Variants in NEO1 observed in about 807,000 individuals in gnomAD.
The protein encoded by NEO1 is neogenin.
Under a neutral mutation model 159.7 loss-of-function variants are expected in NEO1, and 63 were observed. That is an observed-to-expected ratio of 0.39 (90% confidence interval 0.32 to 0.49). NEO1 has a LOEUF of 0.49. Ranked by LOEUF, NEO1 falls within the 20% of genes least tolerant of loss-of-function variation. The pLI, the probability that NEO1 is intolerant of heterozygous loss-of-function variation, is 0.85. For synonymous variants in NEO1, 633 were observed against 662.0 expected (o/e 0.96, Z 0.67); for missense variants, 1,615 against 1,831.0 (o/e 0.88, Z 2.15).
At chr15:73,135,478 G>A (rs560802737) in intron 4 of NEO1, among the ~76,000 whole-genome samples, 2 of 152,146 alleles carry the variant, frequency 1.3e-5, no homozygotes, top group Non-Finnish European at 2.9e-5. Flanking sequence ...TTTTCTTTCT[G>A]TTATTAATCT....
chr15:73,178,577 C>G, intron 7 of NEO1, 150 bp downstream of exon 7: 1 of 851,198 alleles, frequency 1.2e-6, no homozygotes, highest in Non-Finnish European at 1.6e-6. Context: ...TAAATCATTT[C>G]TATTACATAA....
intron 5 of NEO1, among the ~76,000 whole-genome samples, chr15:73,170,345 TAAG>T (rs763842858): frequency 2.6e-5 from 4 of 152,306 alleles, no homozygotes; most frequent in South Asian, 2.1e-4. Flanking sequence ...GATGTAAAAT[TAAG>T]AAGATTCAGC....
chr15:73,056,491 C>T (rs912447445), intron 1 of NEO1, among the ~76,000 whole-genome samples: 1 of 152,188 alleles, frequency 6.6e-6, no homozygotes, highest in African/African-American at 2.4e-5. Flanking sequence ...CTTTGTTTCC[C>T]TAGTGTAGCA....
At position 73,096,022 on chromosome 15, in the gene NEO1, G is replaced by T. The variant is rs538948039; in HGVS notation, c.131-20518G>T. Among the ~76,000 whole-genome samples the T allele has an allele frequency of 3.3e-5, 5 of 152,162 alleles. No homozygotes were observed. In the South Asian group the frequency reaches 1.0e-3, roughly 32 times the overall value. On this transcript the variant is annotated intron_variant, in intron 1 of 28. Transcript: ENST00000261908. ...GGTGGAAGAGTGCTAAAATATTGAT[G>T]CTTACGAAAAGTTTATGGGGACAGT...
rs2035723680 is a variant in NEO1 at position 73,183,260 on chromosome 15, A to G, written c.1291+4833A>G. 2.0e-5 allele frequency among the ~76,000 whole-genome samples: 3 copies of G among 152,166 alleles called. No homozygotes were observed. In the South Asian group the frequency reaches 6.2e-4, roughly 32 times the overall value. On this transcript the variant is annotated intron_variant, in intron 7 of 28. Coordinates refer to ENST00000261908, the MANE Select transcript of NEO1 (RefSeq NM_002499.4). ...TGGGAGACAGGACAAAGGCCTTCCCATTTACTCAGACCCTTCTCCTTTAAG... is the reference window on the plus strand; with the variant it reads ...TGGGAGACAGGACAAAGGCCTTCCCGTTTACTCAGACCCTTCTCCTTTAAG...
At chr15:73,111,959 T>C (rs1234173233) in intron 1 of NEO1, among the ~76,000 whole-genome samples, 1 of 152,126 alleles carries the variant, frequency 6.6e-6, no homozygotes, top group Non-Finnish European at 1.5e-5. Flanking sequence ...AAGTGGATTA[T>C]ACATACAAGA....
intron 7 of NEO1, among the ~76,000 whole-genome samples, chr15:73,195,754 G>A (rs944296935): frequency 2.0e-5 from 3 of 152,084 alleles, no homozygotes; most frequent in Non-Finnish European, 4.4e-5. Flanking sequence ...GTTTGGTGAT[G>A]ATTTTTTCCT....
intron 25 of NEO1, among the ~76,000 whole-genome samples, chr15:73,290,361 C>T (rs551553560): frequency 2.0e-5 from 3 of 151,042 alleles, no homozygotes; most frequent in African/African-American, 7.3e-5. Context: ...CTGCCTCGGC[C>T]TCCCAAGCAG....
chr15:73,272,927 T>TA (rs1365596570), intron 19 of NEO1, among the ~76,000 whole-genome samples: 4 of 123,692 alleles, frequency 3.2e-5, no homozygotes, highest in African/African-American at 1.3e-4. Flanking sequence ...TGTAGAGTAA[T>TA]ACCCAATAAA....
In NEO1 at chr15:73,164,794, A is replaced by G. The variant is rs115753755; in HGVS notation, c.1016-11609A>G. On this transcript the variant is annotated intron_variant, in intron 5 of 28. Coordinates refer to ENST00000261908, the MANE Select transcript of NEO1 (RefSeq NM_002499.4). Reference sequence around the variant, plus strand: ...AACCTTAAGTGTGCATTAATAGGAGAATAATTACATTGGGATATGGTCATA... The same window carrying G: ...AACCTTAAGTGTGCATTAATAGGAGGATAATTACATTGGGATATGGTCATA... Among the ~76,000 whole-genome samples the G allele has an allele frequency of 9.7e-3, 1,480 of 152,368 alleles. 31 individuals carry two copies. The highest frequency in any genetic ancestry group is 0.034 in the African/African-American group (1,410 of 41,588).
intron 1 of NEO1, among the ~76,000 whole-genome samples, chr15:73,096,386 A>G (rs1470131014): frequency 6.6e-6 from 1 of 152,228 alleles, no homozygotes; most frequent in East Asian, 1.9e-4. Context: ...AAGAATTGCA[A>G]CAGGAGATGA....
intron 13 of NEO1, chr15:73,256,232 G>T (rs1307452149): frequency 6.6e-6 from 1 of 152,238 alleles, no homozygotes; most frequent in Non-Finnish European, 1.5e-5. Flanking sequence ...AGGTGCAGTG[G>T]CTGATGCCTA....
chr15:73,200,093 A>C (rs2036770795), intron 7 of NEO1, among the ~76,000 whole-genome samples: 1 of 152,170 alleles, frequency 6.6e-6, no homozygotes, highest in Admixed American at 6.5e-5. Flanking sequence ...TTTTCTCGAA[A>C]AGATTGTAGA....
At chr15:73,124,975 A>G (rs984736151) in intron 3 of NEO1, among the ~76,000 whole-genome samples, 7 of 152,316 alleles carry the variant, frequency 4.6e-5, no homozygotes, top group Non-Finnish European at 5.9e-5. Context: ...CCATATACCA[A>G]TATTATTCAG....
At chr15:73,071,362 C>A (rs568451048) in intron 1 of NEO1, among the ~76,000 whole-genome samples, 125 of 152,086 alleles carry the variant, frequency 8.2e-4, no homozygotes, top group Non-Finnish European at 1.1e-3. Flanking sequence ...ATTTTGTATT[C>A]ATAAAGTTTG....
At chr15:73,277,380 A>G (rs774691577) in intron 21 of NEO1, among the ~76,000 whole-genome samples, 1 of 152,222 alleles carries the variant, frequency 6.6e-6, no homozygotes, top group Non-Finnish European at 1.5e-5. Context: ...GCCAAGTATA[A>G]GAATTTTTTA....
intron 8 of NEO1, among the ~76,000 whole-genome samples, chr15:73,236,965 C>T (rs2039211788): frequency 6.6e-6 from 1 of 152,278 alleles, no homozygotes; most frequent in East Asian, 1.9e-4. Flanking sequence ...TCTTCATTTC[C>T]ACCCCCTCAG....
chr15:73,274,699 C>T lies in NEO1; in HGVS notation c.3168C>T (p.Ser1056=), dbSNP rs762912417. The T allele has an allele frequency of 6.2e-7, 1 of 1,613,976 alleles. No individual in the cohort carries two copies. The highest frequency in any genetic ancestry group is 2.2e-5 in the East Asian group (1 of 44,870). The change falls in exon 21 of 29, where the codon TCC becomes TCT. Residue 1056 remains serine, a synonymous_variant. Coordinates refer to ENST00000261908, the MANE Select transcript of NEO1 (RefSeq NM_002499.4). Reference sequence around the variant, plus strand: ...CTGTGCTTGGCCTGTTAGCGGACTCCTCTGATAAAATGCCTAATGATCAAG... The same window carrying T: ...CTGTGCTTGGCCTGTTAGCGGACTCTTCTGATAAAATGCCTAATGATCAAG... ...AVQFRTPKAD[S]SDKMPNDQAS... is the part of the protein sequence containing the mutation.
intron 16 of NEO1, among the ~76,000 whole-genome samples, chr15:73,267,046 C>T (rs376847710): frequency 2.6e-5 from 4 of 152,292 alleles, no homozygotes; most frequent in African/African-American, 7.2e-5. Flanking sequence ...ACCCCGAGGT[C>T]AGGAGATCGA....
Sources: gnomAD v4.1 joint callset for allele counts (sites outside exome capture counted in the v4.1 genomes callset) on GRCh38, gnomAD v4.1.1 for gene constraint, MANE v1.5 for transcripts, NCBI Gene and HGNC (gene_info 2026-07-23, HGNC 2026-07-21) for gene names.